Variants in NBEA observed in about 807,000 individuals in gnomAD.
NBEA encodes the protein neurobeachin, also known as lysosomal-trafficking regulator 2.
NBEA carries 44 observed loss-of-function variants against 343.4 expected under a neutral mutation model. That is an observed-to-expected ratio of 0.13 (90% CI 0.10 to 0.16). The LOEUF is 0.16. Among genes scored for constraint, NBEA ranks in the 10% least tolerant of loss-of-function variants. The pLI is 1.00. For missense variants in NBEA, 2,555 were observed against 3,631.3 expected (o/e 0.70, Z 7.62); for synonymous variants, 1,175 against 1,238.7 (o/e 0.95, Z 1.08).
chr13:35,613,681 T>G (rs1448337565), intron 48 of NBEA, among the ~76,000 whole-genome samples: 3 of 152,122 alleles, frequency 2.0e-5, no homozygotes, highest in African/African-American at 7.2e-5. Context: ...AGTGCAGTGG[T>G]GCAATCAGTG....
intron 36 of NBEA, among the ~76,000 whole-genome samples, chr13:35,321,020 C>G (rs920513126): frequency 1.3e-5 from 2 of 151,942 alleles, no homozygotes; most frequent in Non-Finnish European, 2.9e-5. Flanking sequence ...TCTTAGCTTC[C>G]TTGCACTGGG....
chr13:35,348,553 A>G (rs918541064), intron 36 of NBEA, among the ~76,000 whole-genome samples: 2 of 152,236 alleles, frequency 1.3e-5, no homozygotes, highest in East Asian at 1.9e-4. Context: ...GTAGTTCCAT[A>G]TTAGAATTTG....
chr13:35,105,931 A>G (rs2065899888), intron 11 of NBEA, among the ~76,000 whole-genome samples: 2 of 152,104 alleles, frequency 1.3e-5, no homozygotes, highest in African/African-American at 2.4e-5. Flanking sequence ...AACCTGTTCT[A>G]TTATGGGCTA....
Position 35,124,597 on chromosome 13 carries a change from G to A in NBEA, c.2336+1023G>A, listed in dbSNP as rs1241606544. 2.0e-5 allele frequency among the ~76,000 whole-genome samples: 3 copies of A among 146,914 alleles called. No homozygotes were observed. The East Asian group carries it at 5.9e-4, about 29-fold the overall frequency. On this transcript the variant is annotated intron_variant, in intron 17 of 58. Transcript: ENST00000379939. ...ATATATATATACATACACATATATG[G>A]ATATATATACACATACATATATATG... is the stretch of plus-strand genomic sequence containing the variant.
chr13:35,012,196 A>G (rs551834128), intron 1 of NBEA, among the ~76,000 whole-genome samples: 10 of 152,182 alleles, frequency 6.6e-5, no homozygotes, highest in Non-Finnish European at 8.8e-5. Flanking sequence ...GGGAAGTCCA[A>G]TATCAAGGTG....
chr13:35,374,366 C>G (rs978374880), intron 38 of NBEA, among the ~76,000 whole-genome samples: 1 of 152,132 alleles, frequency 6.6e-6, no homozygotes, highest in Non-Finnish European at 1.5e-5. Context: ...TCAAAGATCA[C>G]TAATCACAGA....
intron 1 of NBEA, among the ~76,000 whole-genome samples, chr13:34,946,700 A>ATT (rs201962970): frequency 1.5e-5 from 2 of 137,140 alleles, no homozygotes; most frequent in Admixed American, 7.3e-5. Context: ...ATTTCCTCTG[A>ATT]TTTTTTTTTT....
intron 47 of NBEA, among the ~76,000 whole-genome samples, chr13:35,603,472 C>T (rs1389355768): frequency 6.6e-6 from 1 of 152,008 alleles, no homozygotes; most frequent in African/African-American, 2.4e-5. Context: ...AGTGAAATTG[C>T]ATTGTAGTGG....
At chr13:35,190,246 C>T (rs911443797) in intron 30 of NBEA, among the ~76,000 whole-genome samples, 3 of 151,968 alleles carry the variant, frequency 2.0e-5, no homozygotes, top group African/African-American at 4.8e-5. Context: ...TGCAACTGCT[C>T]GAAGTGACAG....
intron 35 of NBEA, among the ~76,000 whole-genome samples, chr13:35,293,228 A>G (rs1244959575): frequency 6.6e-6 from 1 of 151,984 alleles, no homozygotes; most frequent in African/African-American, 2.4e-5. Flanking sequence ...TCCAAAGGCT[A>G]TATCATCCAG....
intron 35 of NBEA, among the ~76,000 whole-genome samples, chr13:35,304,324 C>T (rs1433415932): frequency 1.4e-5 from 2 of 139,954 alleles, no homozygotes; most frequent in South Asian, 4.6e-4. Flanking sequence ...TTGACAAAAG[C>T]AATTCTCTGT....
chr13:35,185,828 T>C (rs2071660931), intron 30 of NBEA: 1 of 152,182 alleles, frequency 6.6e-6, no homozygotes. Context: ...CAGATTATCA[T>C]AACTGTTATT....
At chr13:35,189,091 G>T (rs2071977707) in intron 30 of NBEA, among the ~76,000 whole-genome samples, 1 of 151,520 alleles carries the variant, frequency 6.6e-6, no homozygotes, top group East Asian at 1.9e-4. Context: ...GCTAATTTTT[G>T]TATTTTTAGT....
intron 36 of NBEA, among the ~76,000 whole-genome samples, chr13:35,326,107 G>C (rs1422340840): frequency 1.3e-5 from 2 of 152,020 alleles, no homozygotes; most frequent in Admixed American, 1.3e-4. Flanking sequence ...TGTTCTTCTT[G>C]CTTAGGGTTG....
intron 58 of NBEA, among the ~76,000 whole-genome samples, chr13:35,669,685 AT>A (rs576616212): frequency 2.6e-5 from 4 of 152,306 alleles, no homozygotes; most frequent in African/African-American, 9.6e-5. Context: ...CAGTTTCAAT[AT>A]TTCCCTGATA....
At chr13:35,612,277 C>T (rs187823340) in intron 48 of NBEA, among the ~76,000 whole-genome samples, 95 of 152,048 alleles carry the variant, frequency 6.2e-4, no homozygotes, top group East Asian at 2.7e-3. Context: ...GGACTACAGG[C>T]GCTCGCCACC....
chr13:35,151,436 A>C (rs1203099098), intron 18 of NBEA, among the ~76,000 whole-genome samples: 1 of 151,478 alleles, frequency 6.6e-6, no homozygotes, highest in Non-Finnish European at 1.5e-5. Flanking sequence ...ACAGCTACTC[A>C]GGAGGCAGAG....
chr13:35,537,554 G>A (rs1044888402), intron 41 of NBEA, among the ~76,000 whole-genome samples: 6 of 152,062 alleles, frequency 3.9e-5, no homozygotes, highest in African/African-American at 7.2e-5. Flanking sequence ...TTACATTTGC[G>A]GTAAGTGCTG....
intron 36 of NBEA, among the ~76,000 whole-genome samples, chr13:35,320,255 A>G (rs2038043038): frequency 6.6e-6 from 1 of 152,090 alleles, no homozygotes; most frequent in Non-Finnish European, 1.5e-5. Context: ...TTCCATATTT[A>G]CTGTTTCCTT....
Sources: gnomAD v4.1 joint callset for allele counts (sites outside exome capture counted in the v4.1 genomes callset) on GRCh38, gnomAD v4.1.1 for gene constraint, MANE v1.5 for transcripts, NCBI Gene and HGNC (gene_info 2026-07-23, HGNC 2026-07-21) for gene names.